BFSP2: variants seen among roughly 807,000 people sequenced by gnomAD.
BFSP2 encodes phakinin.
A neutral mutation model predicts 44.9 loss-of-function variants in BFSP2; 38 were observed. The ratio of observed to expected loss-of-function variants is 0.85; its 90% confidence interval spans 0.65 to 1.11. The LOEUF (loss-of-function observed/expected upper bound fraction) is 1.11. BFSP2 is among the 50% of genes least tolerant of loss of function. BFSP2 has a pLI of 0.00. For missense variants in BFSP2, 525 were observed against 533.0 expected (o/e 0.99, Z 0.15); for synonymous variants, 197 against 209.9 (o/e 0.94, Z 0.53).
chr3:133,448,150 C>T (rs1465447620), intron 2 of BFSP2, among the ~76,000 whole-genome samples: 1 of 152,192 alleles, frequency 6.6e-6, no homozygotes, highest in Non-Finnish European at 1.5e-5. Context: ...GTTAAAGGAT[C>T]CTTGGTTGAA....
At chr3:133,460,549 T>C (rs1015490946) in intron 4 of BFSP2, among the ~76,000 whole-genome samples, 1 of 152,246 alleles carries the variant, frequency 6.6e-6, no homozygotes, top group Non-Finnish European at 1.5e-5. Context: ...TGAGCCACCA[T>C]GCCCAGCTGA....
At chr3:133,444,921 C>T (rs2073883196) in intron 1 of BFSP2, among the ~76,000 whole-genome samples, 1 of 152,182 alleles carries the variant, frequency 6.6e-6, no homozygotes, top group Admixed American at 6.5e-5. Flanking sequence ...CACAGATCAC[C>T]TCTGTAACCT....
chr3:133,465,626 G>C (rs1430383208), intron 4 of BFSP2, among the ~76,000 whole-genome samples: 2 of 152,098 alleles, frequency 1.3e-5, no homozygotes, highest in African/African-American at 4.8e-5. Context: ...CCTTTGTCTG[G>C]GTCACAGTTG....
At chr3:133,450,875 G>T (rs1037542943) in intron 4 of BFSP2, among the ~76,000 whole-genome samples, 2 of 152,164 alleles carry the variant, frequency 1.3e-5, no homozygotes, top group Non-Finnish European at 2.9e-5. Flanking sequence ...ACTTTGGGAG[G>T]CCAAGGCGGG....
intron 1 of BFSP2, among the ~76,000 whole-genome samples, chr3:133,438,764 T>C (rs1281426260): frequency 3.9e-5 from 6 of 152,312 alleles, no homozygotes; most frequent in Admixed American, 3.9e-4. Context: ...TTCCAAGTGA[T>C]ATATGCATAA....
intron 6 of BFSP2, among the ~76,000 whole-genome samples, chr3:133,473,588 AGGCAGAGGACCCTGC>A (rs1390042228): frequency 3.3e-5 from 5 of 150,976 alleles, no homozygotes; most frequent in Admixed American, 3.3e-4. Flanking sequence ...TGGTTTTCCT[AGGCAGAGGACCCTGC>A]GGCCTTCCGC....
intron 1 of BFSP2, among the ~76,000 whole-genome samples, chr3:133,436,325 C>CAAA (rs57060416): frequency 0.13 from 9,860 of 77,816 alleles, 584 homozygotes; most frequent in Middle Eastern, 0.17. Flanking sequence ...GACTCTGTCT[C>CAAA]AAAAAAAAAA....
At chr3:133,422,728 T>C (rs974070170) in intron 1 of BFSP2, among the ~76,000 whole-genome samples, 2 of 118,258 alleles carry the variant, frequency 1.7e-5, no homozygotes, top group African/African-American at 6.2e-5. Context: ...GCCCCAACAT[T>C]AATGAAGCAG....
At chr3:133,404,186 G>T (rs1318991393) in intron 1 of BFSP2, among the ~76,000 whole-genome samples, 1 of 152,204 alleles carries the variant, frequency 6.6e-6, no homozygotes, top group East Asian at 1.9e-4. Flanking sequence ...TGGATTATAG[G>T]TATGAGGCAC....
chr3:133,422,030 C>T (rs1392522082), intron 1 of BFSP2, among the ~76,000 whole-genome samples: 1 of 146,692 alleles, frequency 6.8e-6, no homozygotes, highest in East Asian at 2.0e-4. Flanking sequence ...TTGCTTGAAA[C>T]CGGGAGGCAG....
intron 1 of BFSP2, among the ~76,000 whole-genome samples, chr3:133,425,486 G>A (rs1229151697): frequency 1.3e-5 from 2 of 152,188 alleles, no homozygotes; most frequent in Non-Finnish European, 2.9e-5. Context: ...GCCCCTGGGC[G>A]AAAACATGGA....
Position 133,464,270 on chromosome 3 carries a change from T to A in BFSP2, c.892-2558T>A, listed in dbSNP as rs1260084457. 2.0e-5 allele frequency among the ~76,000 whole-genome samples: 3 copies of A among 152,224 alleles called. No homozygotes were observed. The East Asian group carries it at 5.8e-4, about 29-fold the overall frequency. On this transcript the variant is annotated intron_variant, in intron 4 of 6. Coordinates refer to ENST00000302334, the MANE Select transcript of BFSP2 (RefSeq NM_003571.4). The stretch of plus-strand genomic sequence containing the variant: ...TCTTAAATTGGTAGATTGGTGGAGA[T>A]GACAACATTAAATACTAGTTGAGAG...
chr3:133,442,367 C>T (rs2073853993), intron 1 of BFSP2, among the ~76,000 whole-genome samples: 1 of 152,124 alleles, frequency 6.6e-6, no homozygotes, highest in African/African-American at 2.4e-5. Context: ...GTTGCCCAGG[C>T]TGGTCTCAAA....
intron 6 of BFSP2, among the ~76,000 whole-genome samples, chr3:133,473,665 C>G (rs565742509): frequency 1.3e-5 from 2 of 151,026 alleles, no homozygotes; most frequent in African/African-American, 4.9e-5. Flanking sequence ...TGACTCTTAA[C>G]GAGCATGCTG....
intron 4 of BFSP2, among the ~76,000 whole-genome samples, chr3:133,454,697 A>G (rs2073997349): frequency 6.6e-6 from 1 of 152,242 alleles, no homozygotes; most frequent in African/African-American, 2.4e-5. Context: ...GATACAATTC[A>G]GGAGCAGCCA....
intron 1 of BFSP2, among the ~76,000 whole-genome samples, chr3:133,423,016 G>C (rs151217947): frequency 6.6e-6 from 1 of 152,296 alleles, no homozygotes; most frequent in African/African-American, 2.4e-5. Context: ...ACCCACTGCT[G>C]TGATTTTGAG....
In BFSP2 at chr3:133,400,973, C is replaced by T. The variant is rs2073358589; in HGVS notation, c.489+401C>T. Among the ~76,000 whole-genome samples the T allele has an allele frequency of 1.3e-5, 2 of 152,188 alleles. No homozygotes were observed. The highest frequency in any genetic ancestry group is 6.5e-5 in the Admixed American group (1 of 15,282). On this transcript the variant is annotated intron_variant, in intron 1 of 6. Transcript: ENST00000302334. The surrounding 1 kb of genome is among the most constrained non-coding windows in gnomAD (Gnocchi z 4.0). ...ATTACCCTGGGGCTGCCTCAGTCAC[C>T]TTTACTGTTGAGAAGGGATTTTTAC...
At chr3:133,414,709 A>C (rs113300346) in intron 1 of BFSP2, among the ~76,000 whole-genome samples, 223 of 5,108 alleles carry the variant, frequency 0.044, no homozygotes, top group East Asian at 0.062. Context: ...TCTACTCACC[A>C]CTGCCCTATC....
intron 1 of BFSP2, among the ~76,000 whole-genome samples, chr3:133,432,762 C>T (rs2073736225): frequency 6.6e-6 from 1 of 152,140 alleles, no homozygotes; most frequent in Admixed American, 6.6e-5. Flanking sequence ...CCGATCGTGT[C>T]CGACTAATCT....
Sources: gnomAD v4.1 joint callset for allele counts (sites outside exome capture counted in the v4.1 genomes callset) on GRCh38, gnomAD v4.1.1 for gene constraint, Gnocchi (gnomAD v3.1) non-coding constraint, MANE v1.5 for transcripts, NCBI Gene and HGNC (gene_info 2026-07-23, HGNC 2026-07-21) for gene names.